MISFA: variants seen among roughly 807,000 people sequenced by gnomAD.
The protein encoded by MISFA is mitochondrial sheath formation-associated protein.
At chr11:18,605,169 G>A in the MISFA span, among the ~76,000 whole-genome samples, 1 of 151,848 alleles carries the variant, frequency 6.6e-6, no homozygotes, top group African/African-American at 2.4e-5. Context: ...GAACCCGGGA[G>A]GTGGGGGTTA....
At chr11:18,607,460 T>A in the MISFA span, 1 of 152,594 alleles carries the variant, frequency 6.6e-6, no homozygotes, top group Non-Finnish European at 1.5e-5. Flanking sequence ...TCATGAAATA[T>A]TACTACATTC....
the MISFA span, chr11:18,601,743 T>TA: frequency 2.6e-6 from 1 of 387,214 alleles, no homozygotes; most frequent in Non-Finnish European, 4.6e-6. Flanking sequence ...TTTTGGCAGA[T>TA]ACTGAAACTG....
the MISFA span, chr11:18,606,673 AT>A: frequency 2.4e-6 from 1 of 408,408 alleles, no homozygotes; most frequent in Non-Finnish European, 4.7e-6. Context: ...AGTCTAATAT[AT>A]TCAATACATT....
the MISFA span, among the ~76,000 whole-genome samples, chr11:18,603,540 G>A: frequency 4.5e-3 from 682 of 152,336 alleles, 2 homozygotes; most frequent in Non-Finnish European, 5.0e-3. Flanking sequence ...TCTGGTGGCA[G>A]ATGTCTCTTT....
chr11:18,607,836 G>A, the MISFA span: 1 of 152,110 alleles, frequency 6.6e-6, no homozygotes, highest in Non-Finnish European at 1.5e-5. Context: ...TTCCCACTAA[G>A]TTCTGGAAAT....
chr11:18,609,541 A>C, the MISFA span: 1 of 264,130 alleles, frequency 3.8e-6, no homozygotes, highest in East Asian at 7.9e-5. Flanking sequence ...AAAGTAGCAA[A>C]GGAACAATAA....
chr11:18,606,754 A>T, the MISFA span: 1 of 392,586 alleles, frequency 2.5e-6, no homozygotes, highest in Non-Finnish European at 4.8e-6. Flanking sequence ...CTCCTGCTAT[A>T]TCTCAGAAAT....
At chr11:18,609,802 A>C in the MISFA span, 1 of 1,524,608 alleles carries the variant, frequency 6.6e-7, no homozygotes, top group African/African-American at 1.4e-5. Context: ...CTTCAGTCTG[A>C]AGGCAGGAAA....
At chr11:18,602,283 T>A in the MISFA span, 1 of 152,298 alleles carries the variant, frequency 6.6e-6, no homozygotes, top group Non-Finnish European at 1.5e-5. Flanking sequence ...ATATACTGAT[T>A]ACAGGAGCAG....
chr11:18,609,309 C>CA, the MISFA span: 1 of 152,412 alleles, frequency 6.6e-6, no homozygotes, highest in Non-Finnish European at 1.5e-5. Context: ...CTTTGTACTT[C>CA]AAAGTCACAG....
the MISFA span, chr11:18,606,925 A>G: frequency 9.8e-6 from 3 of 306,190 alleles, no homozygotes; most frequent in South Asian, 5.4e-5. Context: ...CAGTGGTGCT[A>G]TCTTGGCTGA....
the MISFA span, chr11:18,602,284 A>C: frequency 2.0e-5 from 3 of 152,296 alleles, no homozygotes; most frequent in African/African-American, 7.2e-5. Flanking sequence ...TATACTGATT[A>C]CAGGAGCAGA....
the MISFA span, among the ~76,000 whole-genome samples, chr11:18,600,512 CTTTTTTTTTT>C: frequency 1.0e-3 from 55 of 54,054 alleles, no homozygotes; most frequent in Non-Finnish European, 1.5e-3. Context: ...TGGGGACATC[CTTTTTTTTTT>C]TTTTTTTTTT....
the MISFA span, chr11:18,602,151 T>C: frequency 6.6e-6 from 1 of 152,186 alleles, no homozygotes; most frequent in Non-Finnish European, 1.5e-5. Context: ...GAAACACTAA[T>C]GGCAGTGCCC....
chr11:18,606,916 A>G, the MISFA span: 4 of 323,910 alleles, frequency 1.2e-5, no homozygotes, highest in African/African-American at 9.3e-5. Context: ...CCTGGAGTGC[A>G]GTGGTGCTAT....
chr11:18,606,895 C>T, the MISFA span: 1 of 341,904 alleles, frequency 2.9e-6, no homozygotes, highest in South Asian at 2.3e-5. Context: ...GAGTCTCGCT[C>T]TGTCACCCAG....
At chr11:18,606,868 C>G in the MISFA span, 701 of 325,912 alleles carry the variant, frequency 2.2e-3, 2 homozygotes, top group Middle Eastern at 6.1e-3. Context: ...TTCCCACATT[C>G]TTTTTTTTTT....
At chr11:18,601,721 T>G in the MISFA span, 1 of 393,342 alleles carries the variant, frequency 2.5e-6, no homozygotes, top group Non-Finnish European at 4.5e-6. Context: ...GGACCAGCAT[T>G]TTTAACGTCC....
chr11:18,606,713 ATATT>A, the MISFA span: 8 of 404,976 alleles, frequency 2.0e-5, no homozygotes, highest in Admixed American at 2.9e-4. Flanking sequence ...CTCTCTTCAT[ATATT>A]TATTCTCTTT....
Sources: allele counts gnomAD v4.1 joint callset (sites outside exome capture counted in the v4.1 genomes callset), GRCh38; gene constraint gnomAD v4.1.1; transcripts MANE v1.5; gene names NCBI Gene and HGNC (gene_info 2026-07-23, HGNC 2026-07-21).